Variants in FMN2 observed in about 807,000 individuals in gnomAD.
FMN2 encodes the protein formin 2.
Under a neutral mutation model 142.3 loss-of-function variants are expected in FMN2, and 51 were observed. That is an observed-to-expected ratio of 0.36 (90% CI 0.29 to 0.45). FMN2 has a LOEUF of 0.45. FMN2 is among the 20% of genes least tolerant of loss of function. FMN2 has a pLI of 1.00. For missense variants in FMN2, 1,936 were observed against 2,122.8 expected (o/e 0.91, Z 1.73); for synonymous variants, 882 against 869.8 (o/e 1.01, Z -0.25).
intron 2 of FMN2, among the ~76,000 whole-genome samples, chr1:240,169,037 C>G (rs1321203537): frequency 6.6e-6 from 1 of 152,060 alleles, no homozygotes; most frequent in Non-Finnish European, 1.5e-5. Context: ...ATGGTGAAAC[C>G]CCGTCTTTAC....
At position 240,092,265 on chromosome 1, in the gene FMN2, A is replaced by C; in HGVS notation, c.156A>C (p.Gly52=). The stretch of plus-strand genomic sequence containing the variant: ...CGCTAGGCAAGCACGGCAAGGGGGG[A>C]GGGGGCGGCGGCGGCGGCGGGGAGT... The part of the protein sequence containing the change: ...KKALGKHGKG[G]GGGGGGGESG... Residue 52 remains glycine (G), a synonymous_variant, in exon 1 of 18, where the codon GGA becomes GGC. Coordinates refer to ENST00000319653, the MANE Select transcript of FMN2 (RefSeq NM_020066.5). 2 of 590,168 alleles carry C rather than the reference A, an allele frequency of 3.4e-6. No individual in the cohort carries two copies. Among genetic ancestry groups the C allele is most frequent in the Non-Finnish European group, 5.0e-6 (2 of 398,212 alleles). The allele number at this position is 590,168 out of a possible 1,614,324, so 36.6% of individuals were successfully genotyped here.
rs143089190 is a variant in FMN2 at position 240,204,739 on chromosome 1, G to A, written c.1987-2060G>A. Among the ~76,000 whole-genome samples, 1,109 of 152,012 alleles carry A rather than the reference G, an allele frequency of 7.3e-3. 17 individuals carry two copies. The highest frequency in any genetic ancestry group is 0.026 in the African/African-American group (1,069 of 41,474). On this transcript the variant is annotated intron_variant, in intron 4 of 17. Transcript: ENST00000319653. ...GCACTCCAGCCTGGGCGACAAGAGC[G>A]AAACTCCGTCGCAAAAAAAAAAGTT...
chr1:240,329,317 T>C (rs749291624), intron 9 of FMN2, 22 bp from the exon 10 acceptor site: 9 of 1,608,450 alleles, frequency 5.6e-6, no homozygotes, highest in Non-Finnish European at 7.6e-6. Flanking sequence ...TTTTTCTTCT[T>C]AACTTGGCTT....
At chr1:240,409,613 A>C (rs557978275) in intron 15 of FMN2, among the ~76,000 whole-genome samples, 2 of 152,316 alleles carry the variant, frequency 1.3e-5, no homozygotes, top group Admixed American at 6.5e-5. Context: ...AGTGGGGTCA[A>C]ATGTCTTTTC....
intron 6 of FMN2, among the ~76,000 whole-genome samples, chr1:240,246,894 G>C (rs61829170): frequency 2.6e-5 from 4 of 152,018 alleles, no homozygotes; most frequent in Admixed American, 2.0e-4. Context: ...CATTTTCTGC[G>C]TTTTGCCTCA....
intron 2 of FMN2, among the ~76,000 whole-genome samples, chr1:240,169,926 A>G (rs1269024736): frequency 6.6e-6 from 1 of 152,126 alleles, no homozygotes. Context: ...TAGTTACCAT[A>G]TTTTGCTACT....
At chr1:240,184,609 G>A (rs7528191) in intron 3 of FMN2, among the ~76,000 whole-genome samples, 33,159 of 150,158 alleles carry the variant, frequency 0.22, 3,863 homozygotes, top group Middle Eastern at 0.29. Context: ...ACCCTTGAGA[G>A]CTCTCTCACC....
At chr1:240,200,338 A>T (rs1347952863) in intron 4 of FMN2, among the ~76,000 whole-genome samples, 6 of 152,202 alleles carry the variant, frequency 3.9e-5, no homozygotes, top group Non-Finnish European at 1.5e-5. Flanking sequence ...TCCCTGAAAG[A>T]AAACAACCTA....
At chr1:240,246,380 G>A (rs1009500444) in intron 6 of FMN2, among the ~76,000 whole-genome samples, 6 of 152,230 alleles carry the variant, frequency 3.9e-5, no homozygotes, top group Non-Finnish European at 7.4e-5. Context: ...GGGATCACTT[G>A]AGCCTGGGAG....
rs866046501 is a variant in FMN2 at position 240,184,533 on chromosome 1, T to C, written c.1931-3674T>C. Among the ~76,000 whole-genome samples, 150 of 151,498 alleles carry C rather than the reference T, an allele frequency of 9.9e-4. No individual in the cohort carries two copies. In the Middle Eastern group the frequency reaches 0.017, roughly 17 times the overall value. ...GCCCGGCCTGTTTTTTTTTTTTTTT[T>C]TTTTTTAAGAACATTCTGGTTTCTT... On this transcript the variant is annotated intron_variant, in intron 3 of 17. Transcript: ENST00000319653.
chr1:240,369,644 C>T (rs889358609), intron 14 of FMN2, among the ~76,000 whole-genome samples: 1 of 152,164 alleles, frequency 6.6e-6, no homozygotes, highest in Non-Finnish European at 1.5e-5. Flanking sequence ...ATTCTAGGTT[C>T]AAAGTAAATT....
chr1:240,439,283 G>A (rs9727800), intron 16 of FMN2, among the ~76,000 whole-genome samples: 14,841 of 64,258 alleles, frequency 0.23, 1,175 homozygotes, highest in East Asian at 0.44. Flanking sequence ...AAAAAAAAAA[G>A]AAAGAAAGAA....
At chr1:240,276,517 A>C (rs552024793) in intron 7 of FMN2, among the ~76,000 whole-genome samples, 3 of 152,308 alleles carry the variant, frequency 2.0e-5, no homozygotes, top group Admixed American at 6.5e-5. Context: ...TGCACTTGAG[A>C]TGAGTCAATC....
chr1:240,191,094 C>G, intron 4 of FMN2, among the ~76,000 whole-genome samples: 1 of 152,134 alleles, frequency 6.6e-6, no homozygotes, highest in East Asian at 1.9e-4. Flanking sequence ...CTTCTGTGGT[C>G]GTAATGTGAG....
At chr1:240,152,484 T>G (rs960901114) in intron 2 of FMN2, among the ~76,000 whole-genome samples, 16 of 152,148 alleles carry the variant, frequency 1.1e-4, no homozygotes, top group Non-Finnish European at 2.2e-4. Context: ...GGGTTCCATA[T>G]GCTTAACCTT....
chr1:240,232,516 A>G (rs1306220561), intron 6 of FMN2, among the ~76,000 whole-genome samples: 1 of 152,222 alleles, frequency 6.6e-6, no homozygotes, highest in Non-Finnish European at 1.5e-5. Context: ...AACAGGAAAG[A>G]ATACATCCCT....
intron 15 of FMN2, among the ~76,000 whole-genome samples, chr1:240,394,590 A>G (rs1673709493): frequency 6.6e-6 from 1 of 152,230 alleles, no homozygotes; most frequent in East Asian, 1.9e-4. Context: ...CATATTTCCA[A>G]TGTAGATGAA....
intron 1 of FMN2, among the ~76,000 whole-genome samples, chr1:240,104,462 A>C (rs560629270): frequency 1.8e-4 from 27 of 152,272 alleles, no homozygotes; most frequent in African/African-American, 5.8e-4. Context: ...TCGCATCATC[A>C]GTCCAGGCAA....
intron 3 of FMN2, among the ~76,000 whole-genome samples, chr1:240,185,472 G>A (rs1211434247): frequency 2.0e-5 from 3 of 152,294 alleles, no homozygotes; most frequent in African/African-American, 4.8e-5. Flanking sequence ...GATGGGATTG[G>A]GAGAATGAAT....
Sources: gnomAD v4.1 joint callset for allele counts (sites outside exome capture counted in the v4.1 genomes callset) on GRCh38, gnomAD v4.1.1 for gene constraint, MANE v1.5 for transcripts, NCBI Gene and HGNC (gene_info 2026-07-23, HGNC 2026-07-21) for gene names.